The following PRDM5 variants were observed in gnomAD, a reference collection of about 807,000 sequenced individuals.
PRDM5 encodes PR/SET domain 5.
Under a neutral mutation model 81.2 loss-of-function variants are expected in PRDM5, and 56 were observed. The ratio of observed to expected loss-of-function variants is 0.69; its 90% CI spans 0.56 to 0.86. The LOEUF is 0.86. Ranked by LOEUF, PRDM5 falls within the 40% of genes least tolerant of loss-of-function variation. The pLI is 0.00. For synonymous variants in PRDM5, 267 were observed against 256.4 expected, an observed-to-expected ratio of 1.04 and a Z score of -0.39; for missense variants, 697 against 770.1, an observed-to-expected ratio of 0.91 and a Z score of 1.12.
At position 120,853,477 on chromosome 4, in the gene PRDM5, A is replaced by T; in HGVS notation, c.241T>A (p.Trp81Arg). The change falls in exon 3 of 16, where the codon TGG (tryptophan) becomes AGG (arginine). Residue 81 changes from tryptophan to arginine, a missense_variant. Trp to Arg is a moderately radical substitution (Grantham distance 101). Around this residue, in one of 3 missense-constraint regions of PRDM5, gnomAD observed 577 missense variants for 606.7 expected, o/e 0.95. Coordinates refer to ENST00000264808, the MANE Select transcript of PRDM5 (RefSeq NM_018699.4). ...GGTGCCTCATGAACGAAGCGAAGCC[A>T]GTTGGAGTGCCGTGGGTTGGTAGCA... ...LDATNPRHSN[W>R]LRFVHEAPSQ... 1.9e-6 allele frequency: 3 copies of T among 1,613,810 alleles called. No homozygotes were observed. Among genetic ancestry groups the T allele is most frequent in the Non-Finnish European group, 2.5e-6 (3 of 1,179,760 alleles).
At chr4:120,837,041 G>A (rs1043493588) in intron 3 of PRDM5, among the ~76,000 whole-genome samples, 7 of 152,074 alleles carry the variant, frequency 4.6e-5, no homozygotes, top group African/African-American at 1.7e-4. Flanking sequence ...TGCTCTGGAG[G>A]TGACTTCCAG....
intron 1 of PRDM5, among the ~76,000 whole-genome samples, chr4:120,914,493 T>C (rs763037708): frequency 6.6e-6 from 1 of 152,282 alleles, no homozygotes; most frequent in East Asian, 1.9e-4. Context: ...CACACTGCTA[T>C]AAAGAACTTC....
At chr4:120,756,141 A>G (rs576507658) in intron 13 of PRDM5, among the ~76,000 whole-genome samples, 1 of 152,300 alleles carries the variant, frequency 6.6e-6, no homozygotes, top group South Asian at 2.1e-4. Flanking sequence ...GCTTGGCAAC[A>G]TCTAGGAAAA....
At chr4:120,752,831 G>A (rs1429383171) in intron 14 of PRDM5, among the ~76,000 whole-genome samples, 1 of 152,138 alleles carries the variant, frequency 6.6e-6, no homozygotes, top group Non-Finnish European at 1.5e-5. Context: ...GAGTTGTTGT[G>A]AAGCTTAACT....
intron 14 of PRDM5, among the ~76,000 whole-genome samples, chr4:120,733,488 CAT>C (rs1463222586): frequency 6.6e-6 from 1 of 152,202 alleles, no homozygotes; most frequent in Non-Finnish European, 1.5e-5. Context: ...AACTCAGACT[CAT>C]ACTTTCTGAT....
intron 15 of PRDM5, among the ~76,000 whole-genome samples, chr4:120,705,259 G>A (rs552748730): frequency 1.6e-4 from 25 of 152,136 alleles, no homozygotes; most frequent in Non-Finnish European, 3.1e-4. Context: ...TAGGCTTGAG[G>A]ATCCAACAAT....
chr4:120,699,471 T>G (rs929793381), intron 15 of PRDM5, among the ~76,000 whole-genome samples: 1 of 152,032 alleles, frequency 6.6e-6, no homozygotes, highest in Non-Finnish European at 1.5e-5. Context: ...CAAACTGCAA[T>G]CCTAACAGTG....
chr4:120,758,520 G>A lies in PRDM5; in HGVS notation c.1538-3882C>T, dbSNP rs142705234. 1.4e-3 allele frequency among the ~76,000 whole-genome samples: 212 copies of A among 152,160 alleles called. 2 individuals are homozygous for A. Among genetic ancestry groups the A allele is most frequent in the African/African-American group, 4.7e-3 (197 of 41,516 alleles). On this transcript the variant is annotated intron_variant, in intron 13 of 15. Coordinates refer to ENST00000264808, the MANE Select transcript of PRDM5 (RefSeq NM_018699.4). Reference sequence around the variant, plus strand: ...GCCTTGTGAAGACAGAGACACACAGGGAGAATGCCATGTGAAGACTGGAAT... The same window carrying A: ...GCCTTGTGAAGACAGAGACACACAGAGAGAATGCCATGTGAAGACTGGAAT...
chr4:120,912,931 A>G (rs1182389502), intron 1 of PRDM5, among the ~76,000 whole-genome samples: 1 of 152,226 alleles, frequency 6.6e-6, no homozygotes, highest in Non-Finnish European at 1.5e-5. Context: ...ACTACTGTGC[A>G]TGGATGTGCC....
chr4:120,820,249 GAGGACAC>G (rs1755087828), intron 4 of PRDM5, among the ~76,000 whole-genome samples: 1 of 152,198 alleles, frequency 6.6e-6, no homozygotes, highest in Non-Finnish European at 1.5e-5. Flanking sequence ...TCTGTCACAT[GAGGACAC>G]AGCTAGAAGG....
At chr4:120,750,476 G>T (rs1426299630) in intron 14 of PRDM5, among the ~76,000 whole-genome samples, 1 of 152,126 alleles carries the variant, frequency 6.6e-6, no homozygotes, top group Non-Finnish European at 1.5e-5. Context: ...AAAGCCTGCT[G>T]AGCGTCCAGG....
intron 8 of PRDM5, among the ~76,000 whole-genome samples, chr4:120,809,839 T>C (rs755609613): frequency 1.3e-5 from 2 of 152,270 alleles, no homozygotes; most frequent in South Asian, 2.1e-4. Context: ...AAGGGCTGCA[T>C]TGAGCTAGCA....
At chr4:120,741,152 G>A (rs1741876984) in intron 14 of PRDM5, among the ~76,000 whole-genome samples, 1 of 152,062 alleles carries the variant, frequency 6.6e-6, no homozygotes, top group Admixed American at 6.5e-5. Flanking sequence ...ATGTGTCCAT[G>A]AGGATTTCAA....
At chr4:120,892,851 G>C (rs960455430) in intron 2 of PRDM5, among the ~76,000 whole-genome samples, 1 of 151,862 alleles carries the variant, frequency 6.6e-6, no homozygotes, top group African/African-American at 2.4e-5. Flanking sequence ...GTGGTGGGTG[G>C]GGGCTCCCAC....
intron 11 of PRDM5, among the ~76,000 whole-genome samples, chr4:120,783,682 C>A (rs1414844581): frequency 6.6e-6 from 1 of 152,034 alleles, no homozygotes; most frequent in Non-Finnish European, 1.5e-5. Context: ...AATTGCACAA[C>A]AAATTTTATT....
At chr4:120,815,318 T>C (rs1217345687) in intron 7 of PRDM5, among the ~76,000 whole-genome samples, 2 of 152,232 alleles carry the variant, frequency 1.3e-5, no homozygotes, top group South Asian at 2.1e-4. Flanking sequence ...GTCAGCTGTG[T>C]ATTCTTCAAA....
chr4:120,695,472 T>C lies in PRDM5; in HGVS notation c.1729-197A>G, dbSNP rs1734422924. On this transcript the variant is annotated intron_variant, in intron 15 of 15. Coordinates refer to ENST00000264808, the MANE Select transcript of PRDM5 (RefSeq NM_018699.4). ...CAGTGAAACAACTCCCTGGCAACAATACCTTTCTTATCCTAATGGAATGTA... is the reference window on the plus strand; with the variant it reads ...CAGTGAAACAACTCCCTGGCAACAACACCTTTCTTATCCTAATGGAATGTA... Among the ~76,000 whole-genome samples, 4 of 152,132 alleles carry C rather than the reference T, an allele frequency of 2.6e-5. No individual in the cohort carries two copies. The South Asian group carries it at 8.3e-4, about 31-fold the overall frequency.
chr4:120,782,500 A>G (rs76217839), intron 11 of PRDM5, among the ~76,000 whole-genome samples: 4,940 of 152,114 alleles, frequency 0.032, 267 homozygotes, highest in African/African-American at 0.11. Flanking sequence ...AAGAAAAATT[A>G]CCTTCTCTTT....
intron 3 of PRDM5, among the ~76,000 whole-genome samples, chr4:120,831,970 G>A (rs976343169): frequency 2.0e-5 from 3 of 151,994 alleles, no homozygotes; most frequent in Non-Finnish European, 4.4e-5. Flanking sequence ...TGAGGAACAG[G>A]CCCCCCATAC....
Sources: allele counts gnomAD v4.1 joint callset (sites outside exome capture counted in the v4.1 genomes callset), GRCh38; gene constraint gnomAD v4.1.1; regional missense constraint gnomAD v4.1.1; transcripts MANE v1.5; gene names NCBI Gene and HGNC (gene_info 2026-07-23, HGNC 2026-07-21).